MFSD11: variants seen among roughly 807,000 people sequenced by gnomAD.
The protein encoded by MFSD11 is major facilitator superfamily domain containing 11, also known as UNC93-like protein MFSD11.
MFSD11 carries 36 observed loss-of-function variants against 53.5 expected under a neutral mutation model. The ratio of observed to expected loss-of-function variants is 0.67; its 90% CI spans 0.52 to 0.89. The LOEUF is 0.89. Ranked by LOEUF, MFSD11 falls within the 40% of genes least tolerant of loss-of-function variation. The pLI is 0.00. For missense variants in MFSD11, 530 were observed against 543.9 expected, an observed-to-expected ratio of 0.97 and a Z score of 0.25; for synonymous variants, 186 against 184.9, an observed-to-expected ratio of 1.01 and a Z score of -0.05.
At chr17:76,756,996 A>G (rs1023939019) in intron 8 of MFSD11, among the ~76,000 whole-genome samples, 1 of 152,146 alleles carries the variant, frequency 6.6e-6, no homozygotes, top group African/African-American at 2.4e-5. Flanking sequence ...CCTTTCATGG[A>G]TATTTCCTTC....
the MFSD11 span, among the ~76,000 whole-genome samples, chr17:76,795,252 C>T: frequency 1.3e-4 from 19 of 140,934 alleles, no homozygotes; most frequent in East Asian, 1.3e-3. Context: ...GAGGCTGAGG[C>T]GGGCGGATCA....
the MFSD11 span, among the ~76,000 whole-genome samples, chr17:76,790,127 G>C: frequency 6.9e-6 from 1 of 144,536 alleles, no homozygotes; most frequent in Admixed American, 6.9e-5. Flanking sequence ...TGTTGCCCAG[G>C]CTAGAGTGCA....
In MFSD11 at chr17:76,754,086, T is replaced by C. The variant is rs1390721420; in HGVS notation, c.681T>C (p.Phe227=). 6.2e-7 allele frequency: 1 copy of C among 1,612,260 alleles called. No individual in the cohort carries two copies. The highest frequency in any genetic ancestry group is 8.5e-7 in the Non-Finnish European group (1 of 1,178,464). ...ATCTGACAAAGGCAGTAGATGCTTT[T>C]AGTAAGTATTTTCTGTATCTGAAAT... ...QNNLTKAVDA[F]KKSFKLCVTK... Residue 227 remains phenylalanine (F), a splice_region_variant and synonymous_variant, in exon 8 of 13, where the codon TTT becomes TTC. Coordinates refer to ENST00000685175, the MANE Select transcript of MFSD11 (RefSeq NM_001242532.5).
chr17:76,778,460 A>G lies in MFSD11; in HGVS notation c.*108A>G. The stretch of plus-strand genomic sequence containing the variant: ...CACTATATATTGGGTGATGTTCAGT[A>G]TGGAAAATCAAGGGATTAAGACTGT... On this transcript the variant is annotated 3_prime_UTR_variant, in exon 13 of 13. Coordinates refer to ENST00000685175, the MANE Select transcript of MFSD11 (RefSeq NM_001242532.5). 3 of 1,132,992 alleles carry G rather than the reference A, an allele frequency of 2.6e-6. No homozygotes were observed. Among genetic ancestry groups the G allele is most frequent in the East Asian group, 2.4e-5 (1 of 42,380 alleles). 70.2% of individuals were successfully genotyped at this position (1,132,992 alleles called of 1,614,324 possible).
chr17:76,794,506 G>C, the MFSD11 span, among the ~76,000 whole-genome samples: 1 of 148,762 alleles, frequency 6.7e-6, no homozygotes, highest in African/African-American at 2.5e-5. Context: ...GCCAGGCGTG[G>C]TGGCAGGCAC....
intron 5 of MFSD11, 34 bp downstream of exon 5, chr17:76,742,307 T>C (rs758517157): frequency 6.4e-7 from 1 of 1,563,104 alleles, no homozygotes. Context: ...TCTTTCCTTT[T>C]CTTTCTTTTT....
chr17:76,759,369 G>A (rs763001838), intron 8 of MFSD11, among the ~76,000 whole-genome samples: 11 of 151,698 alleles, frequency 7.3e-5, no homozygotes, highest in Admixed American at 1.3e-4. Flanking sequence ...TACAATCTCC[G>A]CCTCCTGGGT....
the MFSD11 span, among the ~76,000 whole-genome samples, chr17:76,802,591 A>G: frequency 2.0e-5 from 3 of 152,202 alleles, no homozygotes; most frequent in Non-Finnish European, 4.4e-5. Context: ...TTATCCGTAC[A>G]GTGGAGGGCT....
At chr17:76,795,597 G>A in the MFSD11 span, among the ~76,000 whole-genome samples, 1 of 152,210 alleles carries the variant, frequency 6.6e-6, no homozygotes, top group South Asian at 2.1e-4. Flanking sequence ...TGGTATCTGA[G>A]GGATGACTGG....
At chr17:76,753,511 A>C (rs767136479) in intron 7 of MFSD11, among the ~76,000 whole-genome samples, 9 of 151,940 alleles carry the variant, frequency 5.9e-5, no homozygotes, top group Non-Finnish European at 1.3e-4. Context: ...GTCTCTACCA[A>C]AACTACAAAA....
intron 11 of MFSD11, among the ~76,000 whole-genome samples, chr17:76,775,719 A>G (rs901524700): frequency 1.3e-5 from 2 of 152,232 alleles, no homozygotes; most frequent in African/African-American, 4.8e-5. Context: ...AAGGGCCAAC[A>G]TGATGCTCAA....
intron 7 of MFSD11, 150 bp from the exon 8 acceptor site, chr17:76,753,897 C>T: frequency 1.7e-6 from 1 of 596,954 alleles, no homozygotes; most frequent in Admixed American, 3.0e-5. Flanking sequence ...TGAGGGACAC[C>T]CTGAGGCAAG....
In MFSD11 at chr17:76,762,887, A is replaced by T. The variant is rs543601591; in HGVS notation, c.683-4499A>T. Among the ~76,000 whole-genome samples the T allele has an allele frequency of 8.2e-4, 123 of 150,154 alleles. No individual in the cohort carries two copies. The South Asian group carries it at 0.013, about 16-fold the overall frequency. On this transcript the variant is annotated intron_variant, in intron 8 of 12. Transcript: ENST00000685175. ...CCCCACATTCCTTTTTTTTTTTTTT[A>T]AACTCCCCACATTCCTTTGTTTCTA...
At chr17:76,795,333 A>AG in the MFSD11 span, among the ~76,000 whole-genome samples, 1 of 150,858 alleles carries the variant, frequency 6.6e-6, no homozygotes, top group South Asian at 2.1e-4. Flanking sequence ...AAAAAAAAAA[A>AG]AAAAAATTAG....
chr17:76,784,574 G>A (rs1037085070), downstream of MFSD11, among the ~76,000 whole-genome samples: 2 of 150,510 alleles, frequency 1.3e-5, no homozygotes, highest in African/African-American at 2.4e-5. Flanking sequence ...TTCTCCATAC[G>A]ATGGAATGGC....
chr17:76,771,383 A>G (rs1409675924), intron 10 of MFSD11, among the ~76,000 whole-genome samples: 1 of 152,244 alleles, frequency 6.6e-6, no homozygotes, highest in Non-Finnish European at 1.5e-5. Flanking sequence ...TTCTTTGTTC[A>G]ACAAAGATTT....
the MFSD11 span, among the ~76,000 whole-genome samples, chr17:76,795,319 CAAA>C: frequency 8.6e-6 from 1 of 116,264 alleles, no homozygotes. Flanking sequence ...CTGTTTCTAC[CAAA>C]AAAAAAAAAA....
At chr17:76,737,430 C>A (rs1487617063), upstream of MFSD11, 3 of 388,740 alleles carry the variant, frequency 7.7e-6, no homozygotes, top group Admixed American at 4.3e-5. Flanking sequence ...CACCGCGCCC[C>A]GCTTCGTAAC....
intron 10 of MFSD11, among the ~76,000 whole-genome samples, chr17:76,773,950 G>A (rs1048305220): frequency 3.3e-5 from 5 of 151,370 alleles, no homozygotes; most frequent in African/African-American, 1.2e-4. Context: ...TTTTGAGACA[G>A]AGTCTTGCTC....
Sources: gnomAD v4.1 joint callset for allele counts (sites outside exome capture counted in the v4.1 genomes callset) on GRCh38, gnomAD v4.1.1 for gene constraint, MANE v1.5 for transcripts, NCBI Gene and HGNC (gene_info 2026-07-23, HGNC 2026-07-21) for gene names.